Variants in IGSF11 observed in about 807,000 individuals in gnomAD.
IGSF11 encodes CXADR like 1.
In IGSF11, 22 loss-of-function variants were observed where a neutral mutation model predicts 41.0. The observed-to-expected ratio is 0.54, with a 90% CI of 0.38 to 0.77. The LOEUF is 0.77. Ranked by LOEUF, IGSF11 falls within the 30% of genes least tolerant of loss-of-function variation. The pLI is 0.00. For synonymous variants in IGSF11, 219 were observed against 201.3 expected (o/e 1.09, Z -0.74); for missense variants, 444 against 530.8 (o/e 0.84, Z 1.61).
intron 1 of IGSF11, among the ~76,000 whole-genome samples, chr3:119,144,712 AATC>A (rs2077696367): frequency 6.6e-6 from 1 of 152,210 alleles, no homozygotes. Context: ...CAAATTGATA[AATC>A]ATCATTTTGT....
chr3:118,903,095 A>G (rs1939118228), intron 6 of IGSF11, 134 bp from the exon 7 acceptor site: 2 of 818,920 alleles, frequency 2.4e-6, no homozygotes, highest in South Asian at 3.7e-5. Flanking sequence ...CTCTATCGTG[A>G]AAGCAGGCAT....
At chr3:118,955,219 TACACACACACACAC>T (rs34044399) in intron 1 of IGSF11, among the ~76,000 whole-genome samples, 13 of 144,504 alleles carry the variant, frequency 9.0e-5, no homozygotes, top group South Asian at 6.6e-4. Flanking sequence ...TATATGTACA[TACACACACACACAC>T]ACACACACAC....
At chr3:118,916,604 A>C (rs994243285) in intron 4 of IGSF11, among the ~76,000 whole-genome samples, 54 of 150,944 alleles carry the variant, frequency 3.6e-4, no homozygotes, top group South Asian at 3.2e-3. Flanking sequence ...CTGATTCATA[A>C]AGCAAGTCCT....
At chr3:119,071,896 G>T (rs1285838426) in intron 1 of IGSF11, among the ~76,000 whole-genome samples, 1 of 152,158 alleles carries the variant, frequency 6.6e-6, no homozygotes, top group Non-Finnish European at 1.5e-5. Flanking sequence ...TTTTGACAGG[G>T]ATTGTGCTGA....
chr3:119,079,725 C>T (rs999521070), intron 1 of IGSF11, among the ~76,000 whole-genome samples: 1 of 152,188 alleles, frequency 6.6e-6, no homozygotes, highest in Non-Finnish European at 1.5e-5. Context: ...AAGTCATGTC[C>T]TTTGCAGCAA....
chr3:119,120,667 T>C (rs2077320104), intron 1 of IGSF11, among the ~76,000 whole-genome samples: 1 of 152,206 alleles, frequency 6.6e-6, no homozygotes, highest in South Asian at 2.1e-4. Flanking sequence ...CCTTTTGTTA[T>C]ACAAATGTGG....
intron 1 of IGSF11, among the ~76,000 whole-genome samples, chr3:119,004,418 T>G (rs1937260885): frequency 6.6e-6 from 1 of 151,850 alleles, no homozygotes; most frequent in South Asian, 2.1e-4. Flanking sequence ...AACCAGCTCC[T>G]GGATTCATTG....
chr3:119,085,132 A>G (rs1012998818), intron 1 of IGSF11, among the ~76,000 whole-genome samples: 2 of 152,200 alleles, frequency 1.3e-5, no homozygotes, highest in African/African-American at 4.8e-5. Flanking sequence ...CCAAGGCTCA[A>G]GAGTGGAGCT....
intron 1 of IGSF11, among the ~76,000 whole-genome samples, chr3:119,110,328 C>G (rs201922138): frequency 6.6e-6 from 1 of 151,728 alleles, no homozygotes; most frequent in Non-Finnish European, 1.5e-5. Context: ...TGAATTGATC[C>G]CTTTAGCATT....
intron 1 of IGSF11, among the ~76,000 whole-genome samples, chr3:119,077,847 C>A (rs1480645681): frequency 6.6e-6 from 1 of 152,120 alleles, no homozygotes; most frequent in Non-Finnish European, 1.5e-5. Context: ...GATACAAAAT[C>A]AATGTACAAA....
intron 1 of IGSF11, among the ~76,000 whole-genome samples, chr3:119,072,638 C>A (rs898206930): frequency 6.6e-6 from 1 of 152,108 alleles, no homozygotes; most frequent in African/African-American, 2.4e-5. Context: ...TAAGGCAGTG[C>A]GTCTGGAGTT....
chr3:119,124,239 C>G (rs1442549178), intron 1 of IGSF11, among the ~76,000 whole-genome samples: 1 of 143,310 alleles, frequency 7.0e-6, no homozygotes, highest in East Asian at 2.1e-4. Flanking sequence ...AAAAATGAAA[C>G]TGAAATGTTA....
chr3:119,024,249 T>C (rs1393060433), intron 1 of IGSF11, among the ~76,000 whole-genome samples: 1 of 152,052 alleles, frequency 6.6e-6, no homozygotes, highest in Non-Finnish European at 1.5e-5. Context: ...AAATCACAAA[T>C]TAGAAAGCAT....
At chr3:119,099,837 T>A (rs2076913619) in intron 1 of IGSF11, among the ~76,000 whole-genome samples, 1 of 152,226 alleles carries the variant, frequency 6.6e-6, no homozygotes, top group African/African-American at 2.4e-5. Flanking sequence ...TCCCTTCTTA[T>A]CCACTGGGGA....
chr3:118,904,527 G>T, intron 6 of IGSF11, 121 bp downstream of exon 6: 1 of 723,516 alleles, frequency 1.4e-6, no homozygotes, highest in Non-Finnish European at 2.4e-6. Flanking sequence ...ATACCATTTA[G>T]CCACTTTAAT....
In IGSF11 at chr3:119,034,644, C is replaced by T; in HGVS notation, c.-62G>A. ...GCTCCCGGTCGCAACAGGAGAGGAG[C>T]GGGCGTGAGTCTCCGCGCTCTTGGG... is the stretch of plus-strand genomic sequence containing the variant. On this transcript the variant is annotated 5_prime_UTR_variant, in exon 1 of 7. Coordinates refer to ENST00000393775, the MANE Select transcript of IGSF11 (RefSeq NM_001015887.3). 1.3e-5 allele frequency: 19 copies of T among 1,501,204 alleles called. No homozygotes were observed. Among genetic ancestry groups the T allele is most frequent in the South Asian group, 1.2e-4 (9 of 77,188 alleles). 93.0% of individuals were successfully genotyped at this position (1,501,204 alleles called of 1,614,324 possible).
intron 1 of IGSF11, among the ~76,000 whole-genome samples, chr3:118,985,956 C>G (rs9835052): frequency 0.024 from 3,628 of 152,254 alleles, 143 homozygotes; most frequent in African/African-American, 0.083. Flanking sequence ...GGATATAAGT[C>G]AAGTTTCTCA....
chr3:118,968,475 A>C (rs1446676228), intron 1 of IGSF11, among the ~76,000 whole-genome samples: 1 of 152,234 alleles, frequency 6.6e-6, no homozygotes, highest in Non-Finnish European at 1.5e-5. Flanking sequence ...AGGACAGAGA[A>C]AATAAAGTCC....
chr3:118,906,889 G>A (rs560868419), intron 4 of IGSF11, among the ~76,000 whole-genome samples: 37 of 152,200 alleles, frequency 2.4e-4, no homozygotes, highest in African/African-American at 8.7e-4. Context: ...GGAGACTGAA[G>A]CTTTAGATGT....
Sources: gnomAD v4.1 joint callset for allele counts (sites outside exome capture counted in the v4.1 genomes callset) on GRCh38, gnomAD v4.1.1 for gene constraint, MANE v1.5 for transcripts, NCBI Gene and HGNC (gene_info 2026-07-23, HGNC 2026-07-21) for gene names.